NFIL3: variants seen among roughly 807,000 people sequenced by gnomAD.
The protein encoded by NFIL3 is nuclear factor, interleukin 3 regulated.
In NFIL3, 5 loss-of-function variants were observed where a neutral mutation model predicts 10.0. The observed-to-expected ratio is 0.50, with a 90% CI of 0.26 to 1.06. The LOEUF (loss-of-function observed/expected upper bound fraction) is 1.06, where lower values mean the gene tolerates loss of function less well. NFIL3 is among the 50% of genes least tolerant of loss of function. NFIL3 has a pLI of 0.13. For synonymous variants in NFIL3, 202 were observed against 206.5 expected (o/e 0.98, Z 0.19); for missense variants, 436 against 547.6 (o/e 0.80, Z 2.03).
At chr9:91,457,946 A>G in the NFIL3 span, among the ~76,000 whole-genome samples, 9 of 151,442 alleles carry the variant, frequency 5.9e-5, no homozygotes, top group Admixed American at 5.9e-4. Context: ...TTTTCTTTTC[A>G]TTTGTTCATG....
chr9:91,436,857 G>T, the NFIL3 span, among the ~76,000 whole-genome samples: 7 of 152,180 alleles, frequency 4.6e-5, no homozygotes, highest in Non-Finnish European at 1.0e-4. Context: ...ATTTCCTACT[G>T]ACACTATCCC....
the NFIL3 span, among the ~76,000 whole-genome samples, chr9:91,456,502 C>A: frequency 6.4e-4 from 97 of 152,186 alleles, no homozygotes; most frequent in African/African-American, 2.3e-3. Context: ...CTCTTAGTAG[C>A]CATTCTTATC....
chr9:91,461,325 A>T, the NFIL3 span, among the ~76,000 whole-genome samples: 2 of 152,256 alleles, frequency 1.3e-5, no homozygotes, highest in Non-Finnish European at 2.9e-5. Context: ...AAATAAATTC[A>T]GGTAAAAATT....
chr9:91,443,051 T>C, the NFIL3 span, among the ~76,000 whole-genome samples: 2 of 152,154 alleles, frequency 1.3e-5, no homozygotes, highest in African/African-American at 4.8e-5. Context: ...TCAAGAGACC[T>C]AAAGTGGGTA....
intron 1 of NFIL3, among the ~76,000 whole-genome samples, chr9:91,421,790 C>T (rs1833774947): frequency 6.6e-6 from 1 of 152,124 alleles, no homozygotes; most frequent in Non-Finnish European, 1.5e-5. Context: ...TACTCTGTTC[C>T]AGAGACGTCC....
the NFIL3 span, among the ~76,000 whole-genome samples, chr9:91,474,634 G>A: frequency 6.6e-6 from 1 of 152,206 alleles, no homozygotes; most frequent in African/African-American, 2.4e-5. Context: ...TGCTGGGCTA[G>A]ACTGGAAATG....
chr9:91,416,546 G>T (rs916963719), intron 1 of NFIL3, among the ~76,000 whole-genome samples: 1 of 152,008 alleles, frequency 6.6e-6, no homozygotes, highest in South Asian at 2.1e-4. Flanking sequence ...GTGAATAATT[G>T]ACACTACATG....
the NFIL3 span, among the ~76,000 whole-genome samples, chr9:91,473,774 T>A: frequency 6.6e-6 from 1 of 152,204 alleles, no homozygotes; most frequent in Non-Finnish European, 1.5e-5. Flanking sequence ...AATGTAGAAA[T>A]CACCTGTCTT....
the NFIL3 span, among the ~76,000 whole-genome samples, chr9:91,447,612 T>C: frequency 1.3e-5 from 2 of 152,370 alleles, no homozygotes; most frequent in East Asian, 3.9e-4. Flanking sequence ...TATCGCATCC[T>C]TATTGACTAT....
the NFIL3 span, among the ~76,000 whole-genome samples, chr9:91,441,662 A>T: frequency 6.7e-6 from 1 of 149,358 alleles, no homozygotes; most frequent in African/African-American, 2.5e-5. Flanking sequence ...TTTGTATACC[A>T]GTTATAGGTT....
At chr9:91,446,048 T>G in the NFIL3 span, among the ~76,000 whole-genome samples, 1 of 152,134 alleles carries the variant, frequency 6.6e-6, no homozygotes, top group Admixed American at 6.5e-5. Context: ...AGGAGAGAGA[T>G]ACAACATCAG....
At chr9:91,481,733 A>C in the NFIL3 span, among the ~76,000 whole-genome samples, 2 of 152,230 alleles carry the variant, frequency 1.3e-5, no homozygotes, top group South Asian at 4.1e-4. Context: ...AAAAAAAGTC[A>C]AAGGACAAAT....
rs1452854548 is a variant in NFIL3 at position 91,409,315 on chromosome 9, T to C, written c.*31A>G. ...ACTGCTCTATTGCAAATGACATCTT[T>C]CTAAATGCCCAGCTCTTACTCAGTA... On this transcript the variant is annotated 3_prime_UTR_variant, in exon 2 of 2. Transcript: ENST00000297689. 5.3e-6 allele frequency: 8 copies of C among 1,523,278 alleles called. No homozygotes were observed. Among genetic ancestry groups the C allele is most frequent in the Non-Finnish European group, 7.0e-6 (8 of 1,138,112 alleles). 94.4% of individuals were successfully genotyped at this position (1,523,278 alleles called of 1,614,324 possible). A position where few individuals can be genotyped will look rare whatever the true frequency, so the allele number is the denominator to read the frequency against.
chr9:91,433,552 C>T, the NFIL3 span, among the ~76,000 whole-genome samples: 1 of 152,208 alleles, frequency 6.6e-6, no homozygotes, highest in South Asian at 2.1e-4. Context: ...GTTGCAGGTG[C>T]CCCTATTTTC....
At chr9:91,444,119 C>T in the NFIL3 span, among the ~76,000 whole-genome samples, 12 of 152,012 alleles carry the variant, frequency 7.9e-5, no homozygotes, top group African/African-American at 2.9e-4. Flanking sequence ...CATTCTTTTT[C>T]ACTTTCATTT....
At chr9:91,463,577 G>A in the NFIL3 span, among the ~76,000 whole-genome samples, 645 of 152,084 alleles carry the variant, frequency 4.2e-3, 6 homozygotes, top group African/African-American at 0.015. Flanking sequence ...AGAATGGCCC[G>A]GCACATGACC....
At chr9:91,441,941 GT>G in the NFIL3 span, among the ~76,000 whole-genome samples, 1 of 151,934 alleles carries the variant, frequency 6.6e-6, no homozygotes, top group East Asian at 1.9e-4. Context: ...CCATTATAGT[GT>G]TGGAGTATTC....
At chr9:91,475,835 A>G in the NFIL3 span, among the ~76,000 whole-genome samples, 124 of 152,382 alleles carry the variant, frequency 8.1e-4, no homozygotes, top group Non-Finnish European at 1.3e-3. Flanking sequence ...TTCCAGTAAA[A>G]TATATGTGAA....
At chr9:91,476,864 A>T in the NFIL3 span, among the ~76,000 whole-genome samples, 33 of 152,342 alleles carry the variant, frequency 2.2e-4, no homozygotes, top group South Asian at 6.8e-3. Flanking sequence ...ACAAACAAGA[A>T]TTCCACTACT....
Sources: allele counts gnomAD v4.1 joint callset (sites outside exome capture counted in the v4.1 genomes callset), GRCh38; gene constraint gnomAD v4.1.1; transcripts MANE v1.5; gene names NCBI Gene and HGNC (gene_info 2026-07-23, HGNC 2026-07-21).